HCN1: variants seen among roughly 807,000 people sequenced by gnomAD.
HCN1 encodes hyperpolarization activated cyclic nucleotide gated potassium channel 1.
In HCN1, 13 loss-of-function variants were observed where a neutral mutation model predicts 78.9. The observed-to-expected ratio is 0.16, with a 90% CI of 0.11 to 0.26. The LOEUF is 0.26. HCN1 is among the 10% of genes least tolerant of loss of function. The pLI is 1.00. For synonymous variants in HCN1, 552 were observed against 455.5 expected, an observed-to-expected ratio of 1.21 and a Z score of -2.70; for missense variants, 810 against 1,154.3, an observed-to-expected ratio of 0.70 and a Z score of 4.32.
At chr5:45,372,504 T>C (rs1414566203) in intron 4 of HCN1, among the ~76,000 whole-genome samples, 1 of 126,646 alleles carries the variant, frequency 7.9e-6, no homozygotes, top group Admixed American at 9.1e-5. Context: ...TAAAAATATA[T>C]AAAACATTTA....
At chr5:45,359,804 T>A (rs1747074669) in intron 4 of HCN1, among the ~76,000 whole-genome samples, 1 of 151,854 alleles carries the variant, frequency 6.6e-6, no homozygotes, top group South Asian at 2.1e-4. Flanking sequence ...TTTACACATA[T>A]CTGAGTGTCA....
At chr5:45,329,496 T>G (rs575828643) in intron 5 of HCN1, among the ~76,000 whole-genome samples, 1 of 151,494 alleles carries the variant, frequency 6.6e-6, no homozygotes, top group Non-Finnish European at 1.5e-5. Context: ...CTTATTACAA[T>G]AATACAATCT....
intron 1 of HCN1, among the ~76,000 whole-genome samples, chr5:45,659,565 A>G (rs1242862692): frequency 6.8e-6 from 1 of 146,806 alleles, no homozygotes; most frequent in Non-Finnish European, 1.5e-5. Context: ...AAAAAAAATT[A>G]GAAGAATGTA....
chr5:45,572,983 A>G (rs775384695), intron 2 of HCN1, among the ~76,000 whole-genome samples: 2 of 152,202 alleles, frequency 1.3e-5, no homozygotes, highest in Non-Finnish European at 2.9e-5. Context: ...GATCTATTGA[A>G]ACATAACATT....
chr5:45,645,848 A>G (rs1239436254), intron 1 of HCN1, among the ~76,000 whole-genome samples: 2 of 152,138 alleles, frequency 1.3e-5, no homozygotes, highest in African/African-American at 4.8e-5. Flanking sequence ...ATGAAGCATT[A>G]TACAAATAAA....
chr5:45,276,151 G>A (rs1745052633), intron 6 of HCN1, among the ~76,000 whole-genome samples: 1 of 152,012 alleles, frequency 6.6e-6, no homozygotes, highest in South Asian at 2.1e-4. Context: ...TATGAGGCAA[G>A]TCTACTACAG....
At chr5:45,584,126 G>T (rs1744148848) in intron 2 of HCN1, among the ~76,000 whole-genome samples, 1 of 151,190 alleles carries the variant, frequency 6.6e-6, no homozygotes, top group Middle Eastern at 3.4e-3. Context: ...GTTGACAGTG[G>T]GGTGTTAAAG....
rs143035183 is a variant in HCN1, at chr5:45,671,325, C to T, written c.425+24344G>A. On this transcript the variant is annotated intron_variant, in intron 1 of 7. Coordinates refer to ENST00000303230, the MANE Select transcript of HCN1 (RefSeq NM_021072.4). The stretch of plus-strand genomic sequence containing the variant: ...TGAAGTAATTACTCTGTCCTATTAA[C>T]CCTAATGTTTATTACCAGCAAATCA... Among the ~76,000 whole-genome samples, 358 of 151,468 alleles carry T rather than the reference C, an allele frequency of 2.4e-3. 3 individuals are homozygous for T. The highest frequency in any genetic ancestry group is 6.8e-3 in the Middle Eastern group (2 of 294).
At chr5:45,579,689 A>G (rs1744019235) in intron 2 of HCN1, among the ~76,000 whole-genome samples, 2 of 152,132 alleles carry the variant, frequency 1.3e-5, no homozygotes, top group African/African-American at 4.8e-5. Flanking sequence ...ATACATTTTC[A>G]TAGTTTGGAG....
chr5:45,687,902 T>C (rs1016938074), intron 1 of HCN1, among the ~76,000 whole-genome samples: 1 of 152,118 alleles, frequency 6.6e-6, no homozygotes, highest in East Asian at 1.9e-4. Flanking sequence ...CTGAGAAAAA[T>C]TGGCCTGGCT....
intron 5 of HCN1, among the ~76,000 whole-genome samples, chr5:45,326,404 T>C (rs1401435745): frequency 6.6e-6 from 1 of 151,628 alleles, no homozygotes; most frequent in Non-Finnish European, 1.5e-5. Flanking sequence ...ACAAAATATT[T>C]CCCAAATTGT....
chr5:45,579,123 A>G (rs909401400), intron 2 of HCN1, among the ~76,000 whole-genome samples: 2 of 152,136 alleles, frequency 1.3e-5, no homozygotes, highest in East Asian at 3.8e-4. Context: ...AAATATACAC[A>G]GAACTATTGA....
chr5:45,510,832 C>T (rs1203307144), intron 2 of HCN1, among the ~76,000 whole-genome samples: 4 of 151,976 alleles, frequency 2.6e-5, no homozygotes, highest in Non-Finnish European at 5.9e-5. Context: ...ATATCCCATC[C>T]TCAATAGCTG....
intron 3 of HCN1, among the ~76,000 whole-genome samples, chr5:45,399,413 T>C (rs1232923689): frequency 6.6e-6 from 1 of 152,196 alleles, no homozygotes; most frequent in African/African-American, 2.4e-5. Flanking sequence ...AGTTCAAAGA[T>C]AAAATTATTA....
intron 2 of HCN1, among the ~76,000 whole-genome samples, chr5:45,562,983 A>G (rs1159402661): frequency 2.0e-5 from 3 of 152,260 alleles, no homozygotes; most frequent in South Asian, 2.1e-4. Context: ...GAATTGGAGA[A>G]TTCTGTACTG....
intron 2 of HCN1, among the ~76,000 whole-genome samples, chr5:45,637,678 A>C (rs527758722): frequency 1.0e-3 from 159 of 152,066 alleles, no homozygotes; most frequent in African/African-American, 3.7e-3. Context: ...GAAACTGTTG[A>C]AAGGAAAAAA....
At chr5:45,292,526 T>G (rs1343676363) in intron 6 of HCN1, among the ~76,000 whole-genome samples, 1 of 152,026 alleles carries the variant, frequency 6.6e-6, no homozygotes, top group Non-Finnish European at 1.5e-5. Context: ...GAGATTAATT[T>G]GAAATTAGAA....
Position 45,409,557 on chromosome 5 carries a change from C to T in HCN1, c.1012-12847G>A, listed in dbSNP as rs555830133. Among the ~76,000 whole-genome samples, 26 of 152,064 alleles carry T rather than the reference C, an allele frequency of 1.7e-4. No individual in the cohort carries two copies. The South Asian group carries it at 4.8e-3, about 28-fold the overall frequency. On this transcript the variant is annotated intron_variant, in intron 3 of 7. Coordinates refer to ENST00000303230, the MANE Select transcript of HCN1 (RefSeq NM_021072.4). ...TCCATCTTAGTAATGGTAGAATTTA[C>T]CCTTAACACTTAACATGTCCACGCA...
intron 2 of HCN1, among the ~76,000 whole-genome samples, chr5:45,538,867 A>G (rs775435652): frequency 1.8e-4 from 28 of 152,196 alleles, no homozygotes; most frequent in Non-Finnish European, 3.5e-4. Context: ...CTGGTCCTGG[A>G]GTGATTTGCT....
Sources: gnomAD v4.1 joint callset for allele counts (sites outside exome capture counted in the v4.1 genomes callset) on GRCh38, gnomAD v4.1.1 for gene constraint, MANE v1.5 for transcripts, NCBI Gene and HGNC (gene_info 2026-07-23, HGNC 2026-07-21) for gene names.